The following SAMD3 variants were observed in gnomAD, a reference collection of about 807,000 sequenced individuals.
SAMD3 encodes the protein sterile alpha motif domain containing 3.
Under a neutral mutation model 58.5 loss-of-function variants are expected in SAMD3, and 63 were observed. The observed-to-expected ratio is 1.08, with a 90% CI of 0.88 to 1.33. The LOEUF (loss-of-function observed/expected upper bound fraction) is 1.33. SAMD3 is among the 40% of genes most tolerant of loss of function. SAMD3 has a pLI of 0.00. For missense variants in SAMD3, 604 were observed against 608.4 expected, an observed-to-expected ratio of 0.99 and a Z score of 0.08; for synonymous variants, 220 against 210.3, an observed-to-expected ratio of 1.05 and a Z score of -0.40.
At chr6:130,235,125 A>C (rs1263641138) in intron 2 of SAMD3, among the ~76,000 whole-genome samples, 1 of 152,166 alleles carries the variant, frequency 6.6e-6, no homozygotes, top group Non-Finnish European at 1.5e-5. Flanking sequence ...AAAAAAAAGG[A>C]AATAGGGAAA....
chr6:130,155,102 CTT>C, intron 8 of SAMD3, 77 bp from the exon 9 acceptor site: 1 of 1,108,480 alleles, frequency 9.0e-7, no homozygotes. Flanking sequence ...ATTGCACACT[CTT>C]AACTCATTCC....
chr6:130,184,484 T>C lies in SAMD3; in HGVS notation c.523A>G (p.Ile175Val), dbSNP rs1792735022. 6.2e-7 allele frequency: 1 copy of C among 1,614,184 alleles called. No homozygotes were observed. Among genetic ancestry groups the C allele is most frequent in the East Asian group, 2.2e-5 (1 of 44,882 alleles). The part of the protein sequence containing the change: ...CPDHSMRIRI[I>V]EFLQADMTKY... ...GTCATGTCGGCCTGGAGAAACTCAA[T>C]GATCCTTATCCTCATGCTGTGATCC... The change falls in exon 6 of 12, where the codon ATT becomes GTT. Residue 175 changes from isoleucine to valine, a missense_variant. By Grantham distance (29) the Ile-to-Val change is conservative. Coordinates refer to ENST00000439090, the MANE Select transcript of SAMD3 (RefSeq NM_001017373.4).
At chr6:130,245,630 G>GC (rs905147578) in intron 2 of SAMD3, among the ~76,000 whole-genome samples, 5 of 152,184 alleles carry the variant, frequency 3.3e-5, no homozygotes, top group Non-Finnish European at 7.4e-5. Context: ...AATAAGTGAG[G>GC]CCCCCCAATA....
At chr6:130,165,663 C>G (rs1790676165) in intron 8 of SAMD3, among the ~76,000 whole-genome samples, 1 of 151,976 alleles carries the variant, frequency 6.6e-6, no homozygotes, top group African/African-American at 2.4e-5. Flanking sequence ...TGGCTATTAT[C>G]AAAGTCAGCT....
intron 1 of SAMD3, among the ~76,000 whole-genome samples, chr6:130,322,539 G>A (rs1199066297): frequency 1.3e-5 from 2 of 152,304 alleles, no homozygotes; most frequent in East Asian, 3.9e-4. Context: ...CGGAGGCTGA[G>A]GCAGGAGAAT....
chr6:130,162,489 A>C (rs1790364349), intron 8 of SAMD3, among the ~76,000 whole-genome samples: 1 of 151,570 alleles, frequency 6.6e-6, no homozygotes, highest in South Asian at 2.1e-4. Flanking sequence ...TCTTGTTATG[A>C]AAATGGAATA....
At chr6:130,332,951 A>G (rs1343662600) in intron 1 of SAMD3, among the ~76,000 whole-genome samples, 6 of 152,208 alleles carry the variant, frequency 3.9e-5, no homozygotes, top group Admixed American at 3.9e-4. Context: ...AGTAAAGATC[A>G]GATGCAAGCC....
At chr6:130,324,040 CT>C (rs900829781) in intron 1 of SAMD3, among the ~76,000 whole-genome samples, 38 of 151,360 alleles carry the variant, frequency 2.5e-4, no homozygotes, top group African/African-American at 7.5e-4. Context: ...CATCTTGGAA[CT>C]TTTTTTTTAT....
intron 2 of SAMD3, among the ~76,000 whole-genome samples, chr6:130,293,445 C>T (rs1352834923): frequency 6.6e-6 from 1 of 152,090 alleles, no homozygotes; most frequent in Non-Finnish European, 1.5e-5. Context: ...TGCATTGCCT[C>T]TTTCCTTTAG....
At position 130,214,255 on chromosome 6, in the gene SAMD3, G is replaced by A. The variant is rs562469977; in HGVS notation, c.269+82C>T. On this transcript the variant is annotated intron_variant, in intron 4 of 11. Coordinates refer to ENST00000439090, the MANE Select transcript of SAMD3 (RefSeq NM_001017373.4). The stretch of plus-strand genomic sequence containing the variant: ...TGAAAACGGTCACAGTTTTCCAAGG[G>A]CTTTAAACCCAAACGTCACGCTCTA... The A allele has an allele frequency of 5.7e-5, 67 of 1,170,770 alleles. No homozygotes were observed. The African/African-American group carries it at 9.0e-4, about 16-fold the overall frequency. The allele number at this position is 1,170,770 out of a possible 1,614,324, so 72.5% of individuals were successfully genotyped here.
At chr6:130,349,722 A>T (rs1345548926) in intron 1 of SAMD3, among the ~76,000 whole-genome samples, 1 of 152,244 alleles carries the variant, frequency 6.6e-6, no homozygotes. Context: ...TCATTTTATG[A>T]GGCCAGCATC....
chr6:130,158,188 A>AT (rs1042201061), intron 8 of SAMD3, among the ~76,000 whole-genome samples: 11 of 151,454 alleles, frequency 7.3e-5, no homozygotes, highest in South Asian at 2.1e-4. Context: ...AAAAACCACA[A>AT]TTTTTTTTAT....
chr6:130,323,481 T>A (rs1424166028), intron 1 of SAMD3, among the ~76,000 whole-genome samples: 1 of 151,832 alleles, frequency 6.6e-6, no homozygotes, highest in Non-Finnish European at 1.5e-5. Flanking sequence ...CTTAGACTAT[T>A]GCTGTACATG....
intron 1 of SAMD3, among the ~76,000 whole-genome samples, chr6:130,319,724 T>C (rs1333444279): frequency 1.3e-5 from 2 of 152,144 alleles, no homozygotes; most frequent in Non-Finnish European, 2.9e-5. Flanking sequence ...TAGAAAAATA[T>C]AGAGAATTTT....
intron 2 of SAMD3, among the ~76,000 whole-genome samples, chr6:130,234,826 C>G (rs1403834431): frequency 6.6e-6 from 1 of 152,182 alleles, no homozygotes; most frequent in African/African-American, 2.4e-5. Flanking sequence ...ACACAATAAA[C>G]TTTAAAAGGA....
intron 5 of SAMD3, among the ~76,000 whole-genome samples, chr6:130,201,914 C>T (rs116843646): frequency 0.017 from 2,605 of 152,248 alleles, 27 homozygotes; most frequent in South Asian, 0.042. Flanking sequence ...CTCCATTTCT[C>T]TTTTGGCATA....
chr6:130,337,937 T>A (rs1777152128), intron 1 of SAMD3, among the ~76,000 whole-genome samples: 1 of 152,228 alleles, frequency 6.6e-6, no homozygotes, highest in Admixed American at 6.5e-5. Flanking sequence ...TCAAGTTCAC[T>A]GCAGAAATTT....
chr6:130,199,071 C>T (rs752062943), intron 5 of SAMD3, among the ~76,000 whole-genome samples: 1 of 152,164 alleles, frequency 6.6e-6, no homozygotes, highest in African/African-American at 2.4e-5. Context: ...TCTGGTCCTC[C>T]AGGGAGGAGA....
chr6:130,218,875 CA>C (rs1456909923), intron 1 of SAMD3, among the ~76,000 whole-genome samples: 1 of 152,062 alleles, frequency 6.6e-6, no homozygotes. Context: ...GAATAGGAAC[CA>C]CATGGTAGGC....
Sources: allele counts gnomAD v4.1 joint callset (sites outside exome capture counted in the v4.1 genomes callset), GRCh38; gene constraint gnomAD v4.1.1; transcripts MANE v1.5; gene names NCBI Gene and HGNC (gene_info 2026-07-23, HGNC 2026-07-21).